SERPINB12: variants seen among roughly 807,000 people sequenced by gnomAD.
SERPINB12 encodes the protein serpin B12.
Under a neutral mutation model 41.1 loss-of-function variants are expected in SERPINB12, and 57 were observed. That is an observed-to-expected ratio of 1.39 (90% CI 1.12 to 1.73). SERPINB12 has a LOEUF of 1.73. Among genes scored for constraint, SERPINB12 ranks in the 40% most tolerant of loss-of-function variants. The probability of loss-of-function intolerance (pLI) is 0.00; values close to 1 mark genes in which losing one functional copy is unlikely to be tolerated. For synonymous variants in SERPINB12, 180 were observed against 181.3 expected, an observed-to-expected ratio of 0.99 and a Z score of 0.06; for missense variants, 536 against 501.9, an observed-to-expected ratio of 1.07 and a Z score of -0.65.
chr18:63,560,955 G>T (rs901680033), intron 4 of SERPINB12, 130 bp from the exon 5 acceptor site: 3 of 678,150 alleles, frequency 4.4e-6, no homozygotes, highest in South Asian at 1.9e-5. Flanking sequence ...AAACTGTCAG[G>T]CCTGTCCATG....
chr18:63,547,082 TA>T (rs904859758), intron 1 of SERPINB12, among the ~76,000 whole-genome samples: 1 of 152,180 alleles, frequency 6.6e-6, no homozygotes, highest in Non-Finnish European at 1.5e-5. Flanking sequence ...GTCAAATACT[TA>T]AAAAAAGTGA....
chr18:63,545,219 T>G (rs935499641), intron 1 of SERPINB12, among the ~76,000 whole-genome samples: 6 of 152,190 alleles, frequency 3.9e-5, no homozygotes, highest in Non-Finnish European at 8.8e-5. Context: ...AACTATTTTT[T>G]TTTTTTTTTA....
chr18:63,537,422 C>A (rs1185551997), upstream of SERPINB12, among the ~76,000 whole-genome samples: 1 of 152,030 alleles, frequency 6.6e-6, no homozygotes, highest in East Asian at 1.9e-4. Context: ...TCAGGTGTGG[C>A]CAGAGGAGAA....
At position 63,564,093 on chromosome 18, in the gene SERPINB12, G is replaced by C. The variant is rs371837835; in HGVS notation, c.678G>C (p.Thr226=). The change falls in exon 6 of 8, where the codon ACG becomes ACC. Residue 226 remains threonine (T), a synonymous_variant. Transcript: ENST00000382768. ...AAACATACTTTGACCATGAAAACAC[G>C]GTGGATGCACCTTTCTGTCTAAATG... ...KWETYFDHEN[T]VDAPFCLNAN... 1.9e-6 allele frequency: 3 copies of C among 1,613,884 alleles called. No individual in the cohort carries two copies. The highest frequency in any genetic ancestry group is 3.3e-5 in the Admixed American group (2 of 59,990).
At chr18:63,528,596 C>T in the SERPINB12 span, among the ~76,000 whole-genome samples, 11 of 151,858 alleles carry the variant, frequency 7.2e-5, no homozygotes, top group Non-Finnish European at 1.2e-4. Context: ...GTAAAATAGC[C>T]GGATAATTTA....
intron 1 of SERPINB12, among the ~76,000 whole-genome samples, chr18:63,555,286 C>T (rs1310769589): frequency 1.3e-5 from 2 of 152,086 alleles, no homozygotes; most frequent in Non-Finnish European, 2.9e-5. Flanking sequence ...AGGCACATGA[C>T]CCATGGGAAT....
chr18:63,526,088 A>C, the SERPINB12 span, among the ~76,000 whole-genome samples: 1 of 152,218 alleles, frequency 6.6e-6, no homozygotes, highest in Non-Finnish European at 1.5e-5. Flanking sequence ...AATAATTTAA[A>C]AATCATGGAT....
intron 4 of SERPINB12, among the ~76,000 whole-genome samples, chr18:63,560,496 T>C (rs958388336): frequency 2.1e-4 from 32 of 152,360 alleles, no homozygotes; most frequent in Middle Eastern, 3.4e-3. Context: ...TATAAATTCA[T>C]ATATTAAACA....
the SERPINB12 span, among the ~76,000 whole-genome samples, chr18:63,535,249 C>T: frequency 0.11 from 17,236 of 152,054 alleles, 2,174 homozygotes; most frequent in African/African-American, 0.3. Flanking sequence ...CTTCCTCCTT[C>T]GTATTTATCC....
upstream of SERPINB12, among the ~76,000 whole-genome samples, chr18:63,537,431 A>C (rs1910195597): frequency 6.6e-6 from 1 of 152,162 alleles, no homozygotes; most frequent in Non-Finnish European, 1.5e-5. Flanking sequence ...GCCAGAGGAG[A>C]ATGGTAGAAA....
At chr18:63,549,397 T>C (rs1405174568) in intron 1 of SERPINB12, among the ~76,000 whole-genome samples, 2 of 152,160 alleles carry the variant, frequency 1.3e-5, no homozygotes, top group African/African-American at 2.4e-5. Context: ...AAAAATATGA[T>C]AGTATTTGTA....
the SERPINB12 span, among the ~76,000 whole-genome samples, chr18:63,533,106 T>A: frequency 2.0e-5 from 3 of 152,086 alleles, no homozygotes; most frequent in African/African-American, 7.2e-5. Flanking sequence ...TCCTCCTGAA[T>A]AGCTGGGATT....
intron 2 of SERPINB12, among the ~76,000 whole-genome samples, chr18:63,557,491 A>C (rs934657613): frequency 7.2e-5 from 11 of 152,232 alleles, no homozygotes; most frequent in Non-Finnish European, 1.5e-5. Context: ...GGGGTTATGC[A>C]CAACTCAGGC....
intron 6 of SERPINB12, 141 bp from the exon 7 acceptor site, chr18:63,565,304 G>C (rs1439562295): frequency 1.4e-6 from 1 of 698,630 alleles, no homozygotes; most frequent in Non-Finnish European, 2.4e-6. Flanking sequence ...ACTCTTGTAG[G>C]CTGGATCCCT....
At chr18:63,562,902 T>C (rs531205676) in intron 5 of SERPINB12, among the ~76,000 whole-genome samples, 98 of 152,190 alleles carry the variant, frequency 6.4e-4, no homozygotes, top group Non-Finnish European at 1.1e-3. Flanking sequence ...GATTTGGTAG[T>C]TTGAGTAGGA....
At position 63,566,841 on chromosome 18, in the gene SERPINB12, G is replaced by A. The variant is rs1379393600; in HGVS notation, c.1108G>A (p.Val370Met). 1 of 1,614,144 alleles carries A rather than the reference G, an allele frequency of 6.2e-7. No homozygotes were observed. The change falls in exon 8 of 8, where the codon GTG (valine) becomes ATG (methionine). Residue 370 changes from valine to methionine, a missense_variant. Val to Met is a conservative substitution (Grantham distance 21). Transcript: ENST00000382768. ...GTCAAAAATTATCCACAAAACCTTT[G>A]TGGAGGTGGATGAAAACGGTACCCA... is the stretch of plus-strand genomic sequence containing the variant. ...YLSKIIHKTF[V>M]EVDENGTQAA...
chr18:63,555,787 A>G (rs934265049), intron 1 of SERPINB12, among the ~76,000 whole-genome samples: 2 of 152,106 alleles, frequency 1.3e-5, no homozygotes, highest in Non-Finnish European at 2.9e-5. Flanking sequence ...CATGAAACAG[A>G]TTTTCCTTGA....
At chr18:63,537,126 A>G in the SERPINB12 span, among the ~76,000 whole-genome samples, 1 of 152,216 alleles carries the variant, frequency 6.6e-6, no homozygotes, top group African/African-American at 2.4e-5. Context: ...AATTTATCAC[A>G]TGAAAACCTA....
chr18:63,545,656 T>G (rs1319298170), intron 1 of SERPINB12, among the ~76,000 whole-genome samples: 2 of 152,134 alleles, frequency 1.3e-5, no homozygotes, highest in African/African-American at 4.8e-5. Context: ...AATTTGAATA[T>G]TATCCCCCAA....
Sources: gnomAD v4.1 joint callset for allele counts (sites outside exome capture counted in the v4.1 genomes callset) on GRCh38, gnomAD v4.1.1 for gene constraint, MANE v1.5 for transcripts, NCBI Gene and HGNC (gene_info 2026-07-23, HGNC 2026-07-21) for gene names.